Variants in ATRNL1 observed in about 807,000 individuals in gnomAD.
ATRNL1 encodes attractin like 1, also known as attractin-like protein 1.
In ATRNL1, 95 loss-of-function variants were observed where a neutral mutation model predicts 182.7. The observed-to-expected ratio is 0.52, with a 90% CI of 0.44 to 0.62. The LOEUF is 0.62. Ranked by LOEUF, ATRNL1 falls within the 20% of genes least tolerant of loss-of-function variation. The pLI, the probability that ATRNL1 is intolerant of heterozygous loss-of-function variation, is 0.00. For missense variants in ATRNL1, 1,471 were observed against 1,679.5 expected, an observed-to-expected ratio of 0.88 and a Z score of 2.17; for synonymous variants, 576 against 568.3, an observed-to-expected ratio of 1.01 and a Z score of -0.19.
rs561755521 is a variant in ATRNL1 at position 115,383,590 on chromosome 10, T to C, written c.3176-11069T>C. On this transcript the variant is annotated intron_variant, in intron 19 of 28. Transcript: ENST00000355044. ...TTCCAGTTGTGCTATTGGCATAAGA[T>C]TGATACCTTTCCAAATCAAGGGTCC... is the stretch of plus-strand genomic sequence containing the variant. 3.9e-5 allele frequency among the ~76,000 whole-genome samples: 6 copies of C among 152,112 alleles called. 1 individual carries two copies. The East Asian group carries it at 1.2e-3, about 29-fold the overall frequency.
At chr10:115,629,752 C>A (rs1190407706) in intron 26 of ATRNL1, among the ~76,000 whole-genome samples, 2 of 152,190 alleles carry the variant, frequency 1.3e-5, no homozygotes, top group East Asian at 3.9e-4. Context: ...ATTTCCTTAA[C>A]TCTTTATTAT....
At chr10:115,274,651 T>A in intron 13 of ATRNL1, among the ~76,000 whole-genome samples, 1 of 152,206 alleles carries the variant, frequency 6.6e-6, no homozygotes, top group East Asian at 1.9e-4. Flanking sequence ...AAAAGGCAGT[T>A]AAATTCCTCA....
intron 20 of ATRNL1, among the ~76,000 whole-genome samples, chr10:115,410,707 T>TC (rs1554959709): frequency 6.6e-6 from 1 of 152,116 alleles, no homozygotes; most frequent in African/African-American, 2.4e-5. Context: ...TGTTTTACCT[T>TC]TTATATCTTT....
intron 19 of ATRNL1, among the ~76,000 whole-genome samples, chr10:115,349,336 C>G (rs1481517879): frequency 6.6e-6 from 1 of 151,722 alleles, no homozygotes; most frequent in Non-Finnish European, 1.5e-5. Flanking sequence ...GTATATATAC[C>G]ACATTTTCTT....
intron 26 of ATRNL1, among the ~76,000 whole-genome samples, chr10:115,572,959 G>C (rs565992438): frequency 2.0e-5 from 3 of 152,246 alleles, no homozygotes; most frequent in African/African-American, 7.2e-5. Context: ...CAACTCCACT[G>C]TAGTGTCTAG....
intron 19 of ATRNL1, among the ~76,000 whole-genome samples, chr10:115,368,869 A>G (rs1295025874): frequency 6.6e-6 from 1 of 152,016 alleles, no homozygotes; most frequent in African/African-American, 2.4e-5. Context: ...GCCCACCACC[A>G]CGCCTGGCTA....
intron 26 of ATRNL1, among the ~76,000 whole-genome samples, chr10:115,651,260 T>C (rs782213059): frequency 1.2e-4 from 19 of 152,012 alleles, no homozygotes; most frequent in Non-Finnish European, 1.9e-4. Flanking sequence ...ACCTATTGGG[T>C]ACTATGCTCA....
chr10:115,241,310 T>C, intron 9 of ATRNL1, among the ~76,000 whole-genome samples: 1 of 151,634 alleles, frequency 6.6e-6, no homozygotes, highest in South Asian at 2.1e-4. Context: ...AAATAATTTA[T>C]AATATAAATT....
At chr10:115,371,558 G>A (rs976249248) in intron 19 of ATRNL1, among the ~76,000 whole-genome samples, 7 of 152,178 alleles carry the variant, frequency 4.6e-5, no homozygotes, top group African/African-American at 1.7e-4. Context: ...GTTACATGGG[G>A]CCTGTAGCCC....
chr10:115,845,696 G>C (rs1410825422), intron 27 of ATRNL1, among the ~76,000 whole-genome samples: 3 of 76,752 alleles, frequency 3.9e-5, no homozygotes, highest in Non-Finnish European at 8.0e-5. Flanking sequence ...AATTTTTGCA[G>C]TCGAGTTTTT....
At chr10:115,668,123 C>T (rs1197088667) in intron 26 of ATRNL1, among the ~76,000 whole-genome samples, 1 of 152,164 alleles carries the variant, frequency 6.6e-6, no homozygotes, top group Non-Finnish European at 1.5e-5. Context: ...GTCTAGGGAC[C>T]TTTCTCCATG....
rs71010046 is a variant in ATRNL1, at chr10:115,738,154, T to TTTTTTTTTTTTTTTTTATTC, written c.3903+10801_3903+10802insTTTTTTTTTTTTTTATTCTT. 3.1e-5 allele frequency among the ~76,000 whole-genome samples: 2 copies of TTTTTTTTTTTTTTTTTATTC among 63,870 alleles called. 1 individual carries two copies. The highest frequency in any genetic ancestry group is 1.5e-3 in the East Asian group (2 of 1,318). 41.9% of individuals were successfully genotyped at this position (63,870 alleles called of 152,430 possible). On this transcript the variant is annotated intron_variant, in intron 27 of 28. Transcript: ENST00000355044. Reference sequence around the variant, plus strand: ...TTTTTTTTTTTTTTTTTTTTTTTTTTTTGAGATGGAGTCCTGCTCTGTCGC... The same window carrying TTTTTTTTTTTTTTTTTATTC: ...TTTTTTTTTTTTTTTTTTTTTTTTTTTTTTTTTTTTTTTTTTATTCTTGAGATGGAGTCCTGCTCTGTCGC...
intron 24 of ATRNL1, among the ~76,000 whole-genome samples, chr10:115,502,708 G>A (rs1849906117): frequency 6.6e-6 from 1 of 151,956 alleles, no homozygotes; most frequent in Admixed American, 6.6e-5. Context: ...ATGTGCCTTT[G>A]ACATTAATGA....
intron 28 of ATRNL1, among the ~76,000 whole-genome samples, chr10:115,848,685 T>G (rs1555099717): frequency 6.6e-6 from 1 of 152,230 alleles, no homozygotes; most frequent in African/African-American, 2.4e-5. Flanking sequence ...TGCTCAATGT[T>G]GAATATAAAT....
At chr10:115,337,965 G>A (rs540065086) in intron 19 of ATRNL1, among the ~76,000 whole-genome samples, 23 of 152,206 alleles carry the variant, frequency 1.5e-4, no homozygotes, top group African/African-American at 5.5e-4. Flanking sequence ...CCTCACATGT[G>A]TAGTTCACAG....
chr10:115,343,918 G>T (rs1855860323), intron 19 of ATRNL1, among the ~76,000 whole-genome samples: 2 of 152,142 alleles, frequency 1.3e-5, no homozygotes, highest in Non-Finnish European at 2.9e-5. Context: ...GACAAGGTCT[G>T]GGAGAATTCT....
chr10:115,892,229 G>A (rs1952096849), intron 28 of ATRNL1, among the ~76,000 whole-genome samples: 1 of 152,036 alleles, frequency 6.6e-6, no homozygotes, highest in Non-Finnish European at 1.5e-5. Flanking sequence ...GATGGCTTTT[G>A]TTTATGAGAC....
intron 24 of ATRNL1, among the ~76,000 whole-genome samples, chr10:115,511,138 A>C (rs1283991241): frequency 6.6e-6 from 1 of 151,860 alleles, no homozygotes; most frequent in Non-Finnish European, 1.5e-5. Context: ...GTCTTTTACA[A>C]TTGTCTATTT....
intron 26 of ATRNL1, among the ~76,000 whole-genome samples, chr10:115,559,414 T>TTGTGTGTGTGTG (rs138709567): frequency 0.011 from 1,591 of 147,648 alleles, 12 homozygotes; most frequent in Middle Eastern, 0.031. Flanking sequence ...TTCTTGGTGT[T>TTGTGTGTGTGTG]TGTGTGTGTG....
Sources: allele counts gnomAD v4.1 joint callset (sites outside exome capture counted in the v4.1 genomes callset), GRCh38; gene constraint gnomAD v4.1.1; transcripts MANE v1.5; gene names NCBI Gene and HGNC (gene_info 2026-07-23, HGNC 2026-07-21).